The following GMDS variants were observed in gnomAD, a reference collection of about 807,000 sequenced individuals.
GMDS encodes GDP-mannose 4,6 dehydratase.
In GMDS, 20 loss-of-function variants were observed where a neutral mutation model predicts 49.9. The ratio of observed to expected loss-of-function variants is 0.40; its 90% confidence interval spans 0.28 to 0.58. The LOEUF is 0.58. Ranked by LOEUF, GMDS falls within the 20% of genes least tolerant of loss-of-function variation. The probability of loss-of-function intolerance (pLI) is 0.42; values close to 1 mark genes in which losing one functional copy is unlikely to be tolerated. For synonymous variants in GMDS, 177 were observed against 178.6 expected, an observed-to-expected ratio of 0.99 and a Z score of 0.07; for missense variants, 362 against 481.4, an observed-to-expected ratio of 0.75 and a Z score of 2.32.
In GMDS at chr6:2,066,986, T is replaced by C. The variant is rs1430258034; in HGVS notation, c.345+48785A>G. Among the ~76,000 whole-genome samples, 3 of 151,902 alleles carry C rather than the reference T, an allele frequency of 2.0e-5. No homozygotes were observed. The East Asian group carries it at 5.8e-4, about 30-fold the overall frequency. ...ATTTTTTTCAGCACCACACCACACC[T>C]ATTCCAAAATTGACCACATAGTTGG... On this transcript the variant is annotated intron_variant, in intron 4 of 10. Transcript: ENST00000380815.
chr6:1,879,913 T>C (rs1295575000), intron 7 of GMDS, among the ~76,000 whole-genome samples: 5 of 152,150 alleles, frequency 3.3e-5, no homozygotes, highest in Non-Finnish European at 5.9e-5. Flanking sequence ...CGACCTACAC[T>C]GCAAGAACAC....
intron 7 of GMDS, among the ~76,000 whole-genome samples, chr6:1,845,901 C>A (rs951335608): frequency 3.3e-5 from 5 of 151,984 alleles, no homozygotes; most frequent in Non-Finnish European, 7.4e-5. Flanking sequence ...TGGTCTGTGG[C>A]TCAGGGGGTT....
At chr6:2,015,265 A>C (rs1767817972) in intron 4 of GMDS, among the ~76,000 whole-genome samples, 1 of 152,178 alleles carries the variant, frequency 6.6e-6, no homozygotes, top group Non-Finnish European at 1.5e-5. Flanking sequence ...CTGTCACATA[A>C]AACATTTACT....
Position 2,000,146 on chromosome 6 carries a change from T to C in GMDS, c.346-39180A>G, listed in dbSNP as rs1368411378. ...ACTTCCCAGGTTCACGCCATTCTCC[T>C]GCCTCAGCCTCCCCAAGTAGCTGGG... On this transcript the variant is annotated intron_variant, in intron 4 of 10. Transcript: ENST00000380815. Among the ~76,000 whole-genome samples the C allele has an allele frequency of 2.2e-5, 3 of 139,244 alleles. No homozygotes were observed. The East Asian group carries it at 6.5e-4, about 30-fold the overall frequency. 91.3% of individuals were successfully genotyped at this position (139,244 alleles called of 152,430 possible).
intron 7 of GMDS, among the ~76,000 whole-genome samples, chr6:1,913,705 C>G (rs1237479829): frequency 6.6e-6 from 1 of 152,180 alleles, no homozygotes; most frequent in African/African-American, 2.4e-5. Flanking sequence ...ACCAGTGAAA[C>G]AGCACCACTC....
At chr6:1,812,935 T>A (rs1420624671) in intron 7 of GMDS, among the ~76,000 whole-genome samples, 1 of 152,152 alleles carries the variant, frequency 6.6e-6, no homozygotes, top group Non-Finnish European at 1.5e-5. Flanking sequence ...CTAAAATAAG[T>A]TATTAAGCCA....
chr6:1,866,854 T>C (rs1758465676), intron 7 of GMDS, among the ~76,000 whole-genome samples: 1 of 152,230 alleles, frequency 6.6e-6, no homozygotes, highest in Non-Finnish European at 1.5e-5. Flanking sequence ...ATGGACAGTA[T>C]GCTTGCTCAA....
intron 4 of GMDS, among the ~76,000 whole-genome samples, chr6:2,009,013 T>C (rs1460192450): frequency 6.6e-6 from 1 of 152,210 alleles, no homozygotes; most frequent in Non-Finnish European, 1.5e-5. Flanking sequence ...ACTGTCAGTA[T>C]TTTATATTCA....
intron 1 of GMDS, among the ~76,000 whole-genome samples, chr6:2,212,966 T>C (rs185434526): frequency 7.2e-4 from 110 of 152,344 alleles, no homozygotes; most frequent in African/African-American, 2.6e-3. Flanking sequence ...GGCATTCTTT[T>C]ACTTAACTTG....
intron 9 of GMDS, among the ~76,000 whole-genome samples, chr6:1,719,264 A>G (rs955860638): frequency 2.0e-5 from 3 of 152,120 alleles, no homozygotes; most frequent in African/African-American, 4.8e-5. Context: ...TAGATGTAAC[A>G]GTGGATAGAG....
intron 4 of GMDS, among the ~76,000 whole-genome samples, chr6:2,069,873 A>G (rs1363474712): frequency 2.6e-5 from 4 of 152,122 alleles, no homozygotes; most frequent in Non-Finnish European, 5.9e-5. Flanking sequence ...TCCCTCAGGT[A>G]TCTAGAATTA....
At chr6:2,170,983 AG>A (rs1777977977) in intron 1 of GMDS, among the ~76,000 whole-genome samples, 1 of 152,150 alleles carries the variant, frequency 6.6e-6, no homozygotes, top group Non-Finnish European at 1.5e-5. Flanking sequence ...CAAAAGAGTG[AG>A]ACTCCGTCTC....
chr6:2,220,869 G>A (rs1051824678), intron 1 of GMDS, among the ~76,000 whole-genome samples: 4 of 152,110 alleles, frequency 2.6e-5, no homozygotes, highest in Non-Finnish European at 2.9e-5. Flanking sequence ...TAATAAAGCT[G>A]TGGCCTTCTA....
intron 7 of GMDS, among the ~76,000 whole-genome samples, chr6:1,769,606 G>A (rs1446014346): frequency 1.3e-5 from 2 of 152,198 alleles, no homozygotes; most frequent in East Asian, 1.9e-4. Flanking sequence ...CCCAAGCTTC[G>A]ACCTCAATAG....
intron 6 of GMDS, among the ~76,000 whole-genome samples, chr6:1,957,804 T>TA (rs961833947): frequency 3.0e-4 from 45 of 152,278 alleles, no homozygotes; most frequent in African/African-American, 1.1e-3. Flanking sequence ...TTTATTACTT[T>TA]AAAACAATTT....
chr6:1,817,082 C>CAT (rs1220335385), intron 7 of GMDS, among the ~76,000 whole-genome samples: 1 of 146,054 alleles, frequency 6.8e-6, no homozygotes, highest in Non-Finnish European at 1.5e-5. Flanking sequence ...GGTATTTATA[C>CAT]ATATATATTT....
chr6:2,161,524 C>T (rs1190813800), intron 1 of GMDS, among the ~76,000 whole-genome samples: 3 of 152,192 alleles, frequency 2.0e-5, no homozygotes, highest in Non-Finnish European at 4.4e-5. Flanking sequence ...CAGGAAGCTT[C>T]ACAGTGTTTC....
chr6:2,144,327 ACAGGAGG>A (rs1396258456), intron 1 of GMDS, among the ~76,000 whole-genome samples: 1 of 152,214 alleles, frequency 6.6e-6, no homozygotes, highest in East Asian at 1.9e-4. Flanking sequence ...GATCCTAGAG[ACAGGAGG>A]CCCGCCATGC....
intron 1 of GMDS, among the ~76,000 whole-genome samples, chr6:2,230,864 C>CAAA (rs566882206): frequency 6.9e-6 from 1 of 144,252 alleles, no homozygotes; most frequent in Non-Finnish European, 1.5e-5. Context: ...TACTTCTCCT[C>CAAA]AAAAAAAAAC....
Sources: allele counts gnomAD v4.1 joint callset (sites outside exome capture counted in the v4.1 genomes callset), GRCh38; gene constraint gnomAD v4.1.1; transcripts MANE v1.5; gene names NCBI Gene and HGNC (gene_info 2026-07-23, HGNC 2026-07-21).